The following PTPN9 variants were observed in gnomAD, a reference collection of about 807,000 sequenced individuals.
The protein encoded by PTPN9 is protein tyrosine phosphatase non-receptor type 9, also known as tyrosine-protein phosphatase non-receptor type 9.
In PTPN9, 26 loss-of-function variants were observed where a neutral mutation model predicts 69.8. That is an observed-to-expected ratio of 0.37 (90% confidence interval 0.27 to 0.52). The LOEUF is 0.52. Ranked by LOEUF, PTPN9 falls within the 20% of genes least tolerant of loss-of-function variation. The pLI is 0.91. For synonymous variants in PTPN9, 274 were observed against 272.5 expected, an observed-to-expected ratio of 1.01 and a Z score of -0.05; for missense variants, 549 against 740.3, an observed-to-expected ratio of 0.74 and a Z score of 3.00.
intron 7 of PTPN9, among the ~76,000 whole-genome samples, chr15:75,499,618 A>T (rs2074762431): frequency 6.6e-6 from 1 of 151,468 alleles, no homozygotes; most frequent in Admixed American, 6.6e-5. Flanking sequence ...GTTGGCCAGG[A>T]TGTTCTCAAT....
intron 8 of PTPN9, chr15:75,487,348 A>C (rs1273966473): frequency 1.3e-5 from 2 of 151,214 alleles, no homozygotes; most frequent in African/African-American, 2.5e-5. Context: ...AAAAACTAAA[A>C]TCAAAATAAA....
At chr15:75,543,302 T>G (rs116940092) in intron 1 of PTPN9, among the ~76,000 whole-genome samples, 9,728 of 152,036 alleles carry the variant, frequency 0.064, 422 homozygotes, top group Non-Finnish European at 0.088. Flanking sequence ...GTGAAGCATT[T>G]AAGATATACC....
At chr15:75,475,679 G>A (rs2074591947) in intron 9 of PTPN9, among the ~76,000 whole-genome samples, 1 of 151,982 alleles carries the variant, frequency 6.6e-6, no homozygotes, top group South Asian at 2.1e-4. Context: ...CAGTACTAAT[G>A]GTTAATTTTG....
intron 1 of PTPN9, among the ~76,000 whole-genome samples, chr15:75,564,875 G>A (rs1323665273): frequency 1.3e-5 from 2 of 151,704 alleles, no homozygotes; most frequent in South Asian, 2.1e-4. Flanking sequence ...AGCCTGAGGC[G>A]GGCAGATCAC....
intron 5 of PTPN9, chr15:75,513,141 A>C: frequency 2.5e-6 from 1 of 400,338 alleles, no homozygotes; most frequent in South Asian, 1.9e-5. Flanking sequence ...AGTCATGTAA[A>C]TAGACTAGGC....
At chr15:75,568,165 G>C (rs1179834149) in intron 1 of PTPN9, among the ~76,000 whole-genome samples, 1 of 151,918 alleles carries the variant, frequency 6.6e-6, no homozygotes, top group Non-Finnish European at 1.5e-5. Context: ...GAGCTTCTCT[G>C]CCTCCTGTTC....
intron 6 of PTPN9, among the ~76,000 whole-genome samples, chr15:75,507,776 G>A (rs2074827292): frequency 6.6e-6 from 1 of 150,982 alleles, no homozygotes; most frequent in African/African-American, 2.4e-5. Context: ...CAAAAAAGGT[G>A]GCTCACGCTT....
intron 1 of PTPN9, among the ~76,000 whole-genome samples, chr15:75,575,557 A>G (rs1440752944): frequency 1.3e-5 from 2 of 152,198 alleles, no homozygotes; most frequent in Non-Finnish European, 2.9e-5. Flanking sequence ...GTCAGTTCCC[A>G]TGAGGACCAC....
intron 5 of PTPN9, among the ~76,000 whole-genome samples, chr15:75,512,000 G>A (rs1050149956): frequency 1.3e-5 from 2 of 151,460 alleles, no homozygotes; most frequent in South Asian, 2.1e-4. Context: ...GTGCCATCAC[G>A]CCTGGCTAAC....
intron 1 of PTPN9, among the ~76,000 whole-genome samples, chr15:75,548,586 C>G (rs1220544465): frequency 6.6e-6 from 1 of 151,098 alleles, no homozygotes; most frequent in Non-Finnish European, 1.5e-5. Context: ...AAAGAGAAGA[C>G]AGATGGTGGT....
intron 5 of PTPN9, among the ~76,000 whole-genome samples, chr15:75,516,366 C>A (rs906494622): frequency 2.7e-5 from 4 of 148,994 alleles, no homozygotes; most frequent in African/African-American, 9.9e-5. Flanking sequence ...TGCAGTGGCA[C>A]GATCTTGGCT....
chr15:75,474,519 A>AT (rs2074585523), intron 9 of PTPN9, among the ~76,000 whole-genome samples: 2 of 143,634 alleles, frequency 1.4e-5, no homozygotes, highest in Non-Finnish European at 3.1e-5. Context: ...ACTCTGTCTC[A>AT]AAAAAAAAAA....
rs571469266 is a variant in PTPN9, at chr15:75,570,775, C to CA, written c.63+7938dup. 6.6e-4 allele frequency among the ~76,000 whole-genome samples: 89 copies of CA among 135,546 alleles called. 1 individual carries two copies. In the East Asian group the frequency reaches 6.7e-3, roughly 10 times the overall value. The allele number at this position is 135,546 out of a possible 152,430, so 88.9% of individuals were successfully genotyped here. The stretch of plus-strand genomic sequence containing the variant: ...GGGTGACAGAGTAAGATCCTGTCTC[C>CA]AAAAAAAAAAGCAAAAACCACACCA... On this transcript the variant is annotated intron_variant, in intron 1 of 12. Transcript: ENST00000618819.
At position 75,490,388 on chromosome 15, in the gene PTPN9, C is replaced by T. The variant is rs892286977; in HGVS notation, c.969-87G>A. Reference sequence around the variant, plus strand: ...AAATCTGACCATGCTAAAGGGGTGTCAATTACTCTTAGGGGTGGAGACATG... The same window carrying T: ...AAATCTGACCATGCTAAAGGGGTGTTAATTACTCTTAGGGGTGGAGACATG... On this transcript the variant is annotated intron_variant, in intron 7 of 12. Coordinates refer to ENST00000618819, the MANE Select transcript of PTPN9 (RefSeq NM_002833.4). The T allele has an allele frequency of 4.5e-6, 4 of 895,122 alleles. No individual in the cohort carries two copies. The African/African-American group carries it at 6.6e-5, about 15-fold the overall frequency. The allele number at this position is 895,122 out of a possible 1,614,324, so 55.4% of individuals were successfully genotyped here. A position where few individuals can be genotyped will look rare whatever the true frequency, so the allele number is the denominator to read the frequency against.
At chr15:75,533,599 A>G (rs541816144) in intron 1 of PTPN9, among the ~76,000 whole-genome samples, 1 of 152,264 alleles carries the variant, frequency 6.6e-6, no homozygotes, top group Admixed American at 6.5e-5. Context: ...CAAAAAGCAT[A>G]CTATAATTAT....
intron 1 of PTPN9, among the ~76,000 whole-genome samples, chr15:75,566,984 T>A (rs1475771953): frequency 1.3e-5 from 2 of 151,534 alleles, no homozygotes; most frequent in Non-Finnish European, 2.9e-5. Flanking sequence ...AAACATATGA[T>A]CATTGTAGAT....
At chr15:75,520,190 T>C (rs1289275996) in intron 4 of PTPN9, among the ~76,000 whole-genome samples, 1 of 152,136 alleles carries the variant, frequency 6.6e-6, no homozygotes, top group East Asian at 1.9e-4. Context: ...CAGATCTAGA[T>C]ACTTTCTATT....
intron 7 of PTPN9, among the ~76,000 whole-genome samples, chr15:75,498,139 G>A (rs537405293): frequency 3.3e-5 from 5 of 151,934 alleles, no homozygotes; most frequent in South Asian, 2.1e-4. Flanking sequence ...AGGTTGCAGC[G>A]AGCTGAGATC....
intron 5 of PTPN9, chr15:75,513,320 G>T: frequency 2.2e-6 from 1 of 456,110 alleles, no homozygotes. Context: ...TGAAGGAAAA[G>T]ATGAAAGTAG....
Sources: gnomAD v4.1 joint callset for allele counts (sites outside exome capture counted in the v4.1 genomes callset) on GRCh38, gnomAD v4.1.1 for gene constraint, MANE v1.5 for transcripts, NCBI Gene and HGNC (gene_info 2026-07-23, HGNC 2026-07-21) for gene names.